HSPA4L: variants seen among roughly 807,000 people sequenced by gnomAD.
The protein encoded by HSPA4L is heat shock 70 kDa protein 4L.
Under a neutral mutation model 100.3 loss-of-function variants are expected in HSPA4L, and 48 were observed. That is an observed-to-expected ratio of 0.48 (90% CI 0.38 to 0.61). The LOEUF (loss-of-function observed/expected upper bound fraction) is 0.61, where lower values mean the gene tolerates loss of function less well. HSPA4L is among the 20% of genes least tolerant of loss of function. The pLI, the probability that HSPA4L is intolerant of heterozygous loss-of-function variation, is 0.00. For synonymous variants in HSPA4L, 319 were observed against 328.2 expected (o/e 0.97, Z 0.30); for missense variants, 886 against 988.6 (o/e 0.90, Z 1.39).
intron 1 of HSPA4L, among the ~76,000 whole-genome samples, chr4:127,790,904 C>T (rs907320610): frequency 1.3e-5 from 2 of 152,146 alleles, no homozygotes; most frequent in African/African-American, 2.4e-5. Context: ...GCAGGTGGAT[C>T]ACTTGAGCCT....
Position 127,837,818 on chromosome 4 carries a change from T to G in HSPA4L, c.*4944T>G, listed in dbSNP as rs779456223. ...AAATTAATACTTTGTTTTTGTTTTT[T>G]TTTTGGAAACAGTCTCACTCTGTCA... On this transcript the variant is annotated 3_prime_UTR_variant, in exon 19 of 19. Coordinates refer to ENST00000296464, the MANE Select transcript of HSPA4L (RefSeq NM_014278.4). 6.6e-6 allele frequency: 1 copy of G among 152,084 alleles called. No individual in the cohort carries two copies. The allele number at this position is 152,084 out of a possible 1,614,324, so 9.4% of individuals were successfully genotyped here. A position where few individuals can be genotyped will look rare whatever the true frequency, so the allele number is the denominator to read the frequency against.
At chr4:127,785,240 C>T (rs28742883) in intron 1 of HSPA4L, among the ~76,000 whole-genome samples, 5,352 of 152,168 alleles carry the variant, frequency 0.035, 320 homozygotes, top group African/African-American at 0.12. Flanking sequence ...GAGAAATTAA[C>T]CTGCATAAAT....
At position 127,811,292 on chromosome 4, in the gene HSPA4L, C is replaced by T. The variant is rs1057426180; in HGVS notation, c.1379-145C>T. 1.3e-5 allele frequency: 8 copies of T among 632,876 alleles called. No homozygotes were observed. The Admixed American group carries it at 2.0e-4, about 15-fold the overall frequency. 39.2% of individuals were successfully genotyped at this position (632,876 alleles called of 1,614,324 possible). On this transcript the variant is annotated intron_variant, in intron 11 of 18. Transcript: ENST00000296464. Reference sequence around the variant, plus strand: ...AAGATAATCTGGGGGAAGTACCTGCCCCATAGTGATCAATCAGGATATGAT... The same window carrying T: ...AAGATAATCTGGGGGAAGTACCTGCTCCATAGTGATCAATCAGGATATGAT...
At chr4:127,798,503 C>T (rs745856904) in intron 3 of HSPA4L, 84 bp from the exon 4 acceptor site, 21 of 1,335,008 alleles carry the variant, frequency 1.6e-5, no homozygotes, top group Non-Finnish European at 2.2e-5. Flanking sequence ...CATTGTATGT[C>T]TATCACATAT....
intron 10 of HSPA4L, among the ~76,000 whole-genome samples, 153 bp from the exon 11 acceptor site, chr4:127,807,843 G>A (rs1046932890): frequency 3.3e-5 from 5 of 152,144 alleles, no homozygotes; most frequent in African/African-American, 4.8e-5. Context: ...TGCAATGCAT[G>A]TTTAGAGCAA....
chr4:127,821,713 C>G (rs1212163662), intron 14 of HSPA4L, among the ~76,000 whole-genome samples: 3 of 152,090 alleles, frequency 2.0e-5, no homozygotes, highest in Admixed American at 2.0e-4. Context: ...CATATCCACC[C>G]CCGCAAGGCT....
chr4:127,834,498 C>T lies in HSPA4L; in HGVS notation c.*1624C>T, dbSNP rs1560675307. The T allele has an allele frequency of 6.6e-6, 1 of 152,080 alleles. No homozygotes were observed. Among genetic ancestry groups the T allele is most frequent in the African/African-American group, 2.4e-5 (1 of 41,432 alleles). 9.4% of individuals were successfully genotyped at this position (152,080 alleles called of 1,614,324 possible). A position where few individuals can be genotyped will look rare whatever the true frequency, so the allele number is the denominator to read the frequency against. On this transcript the variant is annotated 3_prime_UTR_variant, in exon 19 of 19. Coordinates refer to ENST00000296464, the MANE Select transcript of HSPA4L (RefSeq NM_014278.4). ...TATTCCGTCTTTTGAGGGGAAGAAT[C>T]TCTTTTTTGCATTAAAAAATCATAT...
In HSPA4L at chr4:127,782,423, T is replaced by C. The variant is rs1440809121; in HGVS notation, c.-128T>C. The C allele has an allele frequency of 6.9e-6, 5 of 725,066 alleles. No homozygotes were observed. The highest frequency in any genetic ancestry group is 1.2e-5 in the Non-Finnish European group (5 of 411,774). The allele number at this position is 725,066 out of a possible 1,614,324, so 44.9% of individuals were successfully genotyped here. A position where few individuals can be genotyped will look rare whatever the true frequency, so the allele number is the denominator to read the frequency against. The stretch of plus-strand genomic sequence containing the variant: ...GACTCCCTGCCCTAGATTTTCTGCT[T>C]AGCGACTTGGGGTCCCCTCTCGTTT... On this transcript the variant is annotated 5_prime_UTR_variant, in exon 1 of 19. Coordinates refer to ENST00000296464, the MANE Select transcript of HSPA4L (RefSeq NM_014278.4).
At chr4:127,820,389 C>A in intron 13 of HSPA4L, 39 bp from the exon 14 acceptor site, 2 of 1,535,190 alleles carry the variant, frequency 1.3e-6, no homozygotes, top group Non-Finnish European at 1.7e-6. Flanking sequence ...TATTTTTAAG[C>A]TAATTTTAGA....
rs1734297154 is a variant in HSPA4L at position 127,838,869 on chromosome 4, T to C, written c.*5995T>C. The C allele has an allele frequency of 1.3e-5, 2 of 152,232 alleles. No individual in the cohort carries two copies. Among genetic ancestry groups the C allele is most frequent in the Non-Finnish European group, 2.9e-5 (2 of 68,036 alleles). 9.4% of individuals were successfully genotyped at this position (152,232 alleles called of 1,614,324 possible). ...ACTTGGATAGTTAATTTTATTACTT[T>C]TTGTTTCCTTTTTAATATTTATTCT... On this transcript the variant is annotated 3_prime_UTR_variant, in exon 19 of 19. Coordinates refer to ENST00000296464, the MANE Select transcript of HSPA4L (RefSeq NM_014278.4).
At chr4:127,791,726 C>T (rs1732881520) in intron 1 of HSPA4L, among the ~76,000 whole-genome samples, 2 of 152,216 alleles carry the variant, frequency 1.3e-5, no homozygotes, top group South Asian at 4.1e-4. Flanking sequence ...AAACTCTCTA[C>T]CACTTTTATC....
chr4:127,784,581 C>A lies in HSPA4L; in HGVS notation c.107+1924C>A, dbSNP rs1214379642. Among the ~76,000 whole-genome samples the A allele has an allele frequency of 1.3e-5, 2 of 152,212 alleles. 1 individual carries two copies. The highest frequency in any genetic ancestry group is 2.9e-5 in the Non-Finnish European group (2 of 68,034). ...TTCTTAAAAAGTGAAAGGATATTCT[C>A]ACTTAGCTTGCATCAGCAACTCTTC... On this transcript the variant is annotated intron_variant, in intron 1 of 18. Transcript: ENST00000296464.
At chr4:127,832,465 T>C (rs1734106265) in intron 18 of HSPA4L, among the ~76,000 whole-genome samples, 1 of 152,168 alleles carries the variant, frequency 6.6e-6, no homozygotes, top group Non-Finnish European at 1.5e-5. Flanking sequence ...AAAAAATAAT[T>C]GTTTAAGATT....
chr4:127,814,070 C>T (rs955454221), intron 12 of HSPA4L, among the ~76,000 whole-genome samples: 4 of 152,068 alleles, frequency 2.6e-5, no homozygotes, highest in African/African-American at 9.7e-5. Context: ...CCTGGCAGTT[C>T]TTATTTGCTG....
chr4:127,801,458 CGTGTGTGTGTGTGTGTGT>C lies in HSPA4L; in HGVS notation c.529+248_529+265del, dbSNP rs33966471. Among the ~76,000 whole-genome samples, 582 of 144,836 alleles carry C rather than the reference CGTGTGTGTGTGTGTGTGT, an allele frequency of 4.0e-3. 1 individual carries two copies. The highest frequency in any genetic ancestry group is 6.0e-3 in the Non-Finnish European group (397 of 66,454). Reference sequence around the variant, plus strand: ...AAAAAATTTGATATATATAAAAATACGTGTGTGTGTGTGTGTGTGTGTGTGTGTGTGTGTGTGTGTGTG... The same window carrying C: ...AAAAAATTTGATATATATAAAAATACGTGTGTGTGTGTGTGTGTGTGTGTG... On this transcript the variant is annotated intron_variant, in intron 5 of 18. Coordinates refer to ENST00000296464, the MANE Select transcript of HSPA4L (RefSeq NM_014278.4).
intron 12 of HSPA4L, among the ~76,000 whole-genome samples, chr4:127,818,046 T>C (rs1484363608): frequency 1.3e-5 from 2 of 152,086 alleles, no homozygotes; most frequent in Non-Finnish European, 2.9e-5. Context: ...TTGTGAATCT[T>C]GATTTGTAAA....
chr4:127,814,039 T>TG (rs1388553073), intron 12 of HSPA4L, among the ~76,000 whole-genome samples: 1 of 152,210 alleles, frequency 6.6e-6, no homozygotes, highest in Non-Finnish European at 1.5e-5. Context: ...AAGAATATTA[T>TG]GGTACCCATC....
chr4:127,783,342 AC>A (rs1316942962), intron 1 of HSPA4L, among the ~76,000 whole-genome samples: 2 of 152,196 alleles, frequency 1.3e-5, no homozygotes, highest in South Asian at 4.1e-4. Context: ...TGCATTGGTA[AC>A]TACGTCAGTT....
At chr4:127,813,435 T>A in intron 12 of HSPA4L, 1 of 393,836 alleles carries the variant, frequency 2.5e-6, no homozygotes, top group East Asian at 4.3e-5. Flanking sequence ...GCTTTCTTAT[T>A]TGAATTGAGG....
Sources: allele counts gnomAD v4.1 joint callset (sites outside exome capture counted in the v4.1 genomes callset), GRCh38; gene constraint gnomAD v4.1.1; transcripts MANE v1.5; gene names NCBI Gene and HGNC (gene_info 2026-07-23, HGNC 2026-07-21).